NOL10: variants seen among roughly 807,000 people sequenced by gnomAD.
The protein encoded by NOL10 is H_NH0074G24.1.
A neutral mutation model predicts 103.5 loss-of-function variants in NOL10; 58 were observed. The observed-to-expected ratio is 0.56, with a 90% confidence interval of 0.45 to 0.70. The LOEUF (loss-of-function observed/expected upper bound fraction) is 0.70, where lower values mean the gene tolerates loss of function less well. NOL10 is among the 30% of genes least tolerant of loss of function. The pLI is 0.00. For synonymous variants in NOL10, 287 were observed against 282.5 expected (o/e 1.02, Z -0.16); for missense variants, 763 against 807.3 (o/e 0.95, Z 0.67).
intron 20 of NOL10, among the ~76,000 whole-genome samples, chr2:10,575,562 CT>C (rs993621269): frequency 5.3e-5 from 8 of 152,154 alleles, no homozygotes; most frequent in African/African-American, 1.2e-4. Context: ...ATTCTTAATA[CT>C]TTTTTTATAA....
At chr2:10,643,856 T>C (rs555454372) in intron 13 of NOL10, among the ~76,000 whole-genome samples, 8 of 152,348 alleles carry the variant, frequency 5.3e-5, no homozygotes, top group Admixed American at 4.6e-4. Context: ...TGAGCATGAA[T>C]TGACTGGCTC....
At chr2:10,655,111 G>T (rs1448303809) in intron 11 of NOL10, among the ~76,000 whole-genome samples, 2 of 151,832 alleles carry the variant, frequency 1.3e-5, no homozygotes, top group African/African-American at 4.8e-5. Flanking sequence ...TAGGGAGGCT[G>T]AGGCAAAACT....
rs1166481699 is a variant in NOL10 at position 10,671,698 on chromosome 2, T to C, written c.328-8A>G. ...ATTATGTAAGAAGACAATCTGAAAA[T>C]AAAACAAAAAAATTAGTTTGCTTAG... is the stretch of plus-strand genomic sequence containing the variant. On this transcript the variant is annotated splice_region_variant and splice_polypyrimidine_tract_variant and intron_variant, in intron 5 of 20. Transcript: ENST00000381685. 2 of 1,539,960 alleles carry C rather than the reference T, an allele frequency of 1.3e-6. No individual in the cohort carries two copies. Among genetic ancestry groups the C allele is most frequent in the African/African-American group, 1.4e-5 (1 of 72,350 alleles).
chr2:10,613,930 T>A (rs530289113), intron 13 of NOL10, among the ~76,000 whole-genome samples: 2 of 150,960 alleles, frequency 1.3e-5, no homozygotes, highest in East Asian at 3.9e-4. Flanking sequence ...CAACCCACAC[T>A]CTAAGAGGTA....
At chr2:10,621,094 G>A (rs1041357160) in intron 13 of NOL10, among the ~76,000 whole-genome samples, 1 of 152,028 alleles carries the variant, frequency 6.6e-6, no homozygotes, top group Non-Finnish European at 1.5e-5. Flanking sequence ...GTGCCTGGCC[G>A]CTGCTAATCA....
At chr2:10,669,891 AAAT>A (rs371037850) in intron 6 of NOL10, among the ~76,000 whole-genome samples, 13 of 150,086 alleles carry the variant, frequency 8.7e-5, no homozygotes, top group East Asian at 2.0e-4. Flanking sequence ...ACTCCATCTC[AAAT>A]AATAATAATA....
intron 13 of NOL10, among the ~76,000 whole-genome samples, chr2:10,608,880 T>C (rs1676397974): frequency 1.3e-5 from 2 of 152,228 alleles, no homozygotes; most frequent in African/African-American, 2.4e-5. Context: ...AGAAACTTCA[T>C]ATTAGTGCAA....
intron 3 of NOL10, 65 bp from the exon 4 acceptor site, chr2:10,675,936 A>G (rs1681278009): frequency 1.3e-6 from 1 of 796,414 alleles, no homozygotes; most frequent in South Asian, 1.9e-5. Flanking sequence ...ATCCAGATAC[A>G]TTGAGTGTAC....
At chr2:10,614,498 A>T (rs140045551) in intron 13 of NOL10, among the ~76,000 whole-genome samples, 198 of 152,350 alleles carry the variant, frequency 1.3e-3, no homozygotes, top group Non-Finnish European at 2.5e-3. Flanking sequence ...TATAACAAAA[A>T]AACTTCAGTA....
In NOL10 at chr2:10,619,113, C is replaced by T. The variant is rs189461525; in HGVS notation, c.1027-11802G>A. Among the ~76,000 whole-genome samples, 326 of 152,266 alleles carry T rather than the reference C, an allele frequency of 2.1e-3. 2 individuals carry two copies. The highest frequency in any genetic ancestry group is 7.6e-3 in the African/African-American group (315 of 41,556). On this transcript the variant is annotated intron_variant, in intron 13 of 20. Transcript: ENST00000381685. ...GGAACAGGACATACAGAATTACTTT[C>T]AAATGAACCACTGTAGTATGTATGT...
chr2:10,636,433 A>AAC (rs1158685569), intron 13 of NOL10, among the ~76,000 whole-genome samples: 1 of 149,780 alleles, frequency 6.7e-6, no homozygotes, highest in Non-Finnish European at 1.5e-5. Context: ...AAAAAAAAAA[A>AAC]AAAAAAAAAA....
At chr2:10,651,420 A>T (rs975383313) in intron 12 of NOL10, among the ~76,000 whole-genome samples, 1 of 152,218 alleles carries the variant, frequency 6.6e-6, no homozygotes, top group Non-Finnish European at 1.5e-5. Context: ...CCACATTTTT[A>T]AAAATGGTAA....
intron 6 of NOL10, among the ~76,000 whole-genome samples, chr2:10,670,459 G>A (rs956396639): frequency 5.3e-5 from 8 of 152,268 alleles, no homozygotes; most frequent in African/African-American, 1.7e-4. Context: ...ACAGGGCCGG[G>A]CACCGTGGCT....
At position 10,577,646 on chromosome 2, in the gene NOL10, G is replaced by A. The variant is rs1003313853; in HGVS notation, c.1937C>T (p.Thr646Met). ...TTVGSKQLTF[T>M]LKRSEQQKKQ... ...TAAAAGACAACTCACCCTCTTTAAC[G>A]TGAATGTCAATTGTTTGCTGCCAAC... Residue 646 changes from threonine to methionine, a missense_variant, in exon 20 of 21, where the codon ACG becomes ATG. By Grantham distance (81) the Thr-to-Met change is moderately conservative. Transcript: ENST00000381685. The A allele has an allele frequency of 1.7e-5, 28 of 1,608,176 alleles. No individual in the cohort carries two copies. The Middle Eastern group carries it at 8.2e-4, about 47-fold the overall frequency.
intron 13 of NOL10, among the ~76,000 whole-genome samples, chr2:10,633,191 C>T (rs941605427): frequency 2.6e-5 from 4 of 152,002 alleles, no homozygotes; most frequent in Non-Finnish European, 4.4e-5. Context: ...AAATGAACAG[C>T]AGAACTTGGC....
intron 19 of NOL10, among the ~76,000 whole-genome samples, chr2:10,582,454 G>A (rs1014244353): frequency 6.6e-6 from 1 of 152,148 alleles, no homozygotes; most frequent in African/African-American, 2.4e-5. Flanking sequence ...CTGAAACGTG[G>A]AGAGTTTTCA....
chr2:10,668,672 TA>T lies in NOL10; in HGVS notation c.515del (p.Leu172HisfsTer13). ...AAACTACTCACGCAGCATCAGTTTG[TA>T]GAGGATTCAGGTATCGTCCTTGTTC... ...NLEQGRYLNP[L>X]QTDAAENNVC... On this transcript the variant is annotated frameshift_variant, in exon 7 of 21. Transcript: ENST00000381685. LOFTEE classifies it high-confidence loss of function. 6.5e-7 allele frequency: 1 copy of T among 1,541,610 alleles called. No individual in the cohort carries two copies. The highest frequency in any genetic ancestry group is 8.8e-7 in the Non-Finnish European group (1 of 1,130,894).
At chr2:10,645,154 G>A (rs1323587654) in intron 12 of NOL10, among the ~76,000 whole-genome samples, 1 of 152,094 alleles carries the variant, frequency 6.6e-6, no homozygotes, top group African/African-American at 2.4e-5. Flanking sequence ...CTATTTTACT[G>A]ATCAGAAAAT....
intron 13 of NOL10, among the ~76,000 whole-genome samples, chr2:10,627,741 AGAGAGAGGGAGGGAGG>A (rs1160713550): frequency 3.4e-5 from 5 of 147,288 alleles, no homozygotes; most frequent in Non-Finnish European, 6.0e-5. Flanking sequence ...CATCTTTTGG[AGAGAGAGGGAGGGAGG>A]GAGAGAGGGA....
Sources: allele counts gnomAD v4.1 joint callset (sites outside exome capture counted in the v4.1 genomes callset), GRCh38; gene constraint gnomAD v4.1.1; transcripts MANE v1.5; gene names NCBI Gene and HGNC (gene_info 2026-07-23, HGNC 2026-07-21).